The following KDM4C variants were observed in gnomAD, a reference collection of about 807,000 sequenced individuals.
KDM4C encodes the protein lysine-specific demethylase 4C.
KDM4C carries 81 observed loss-of-function variants against 129.3 expected under a neutral mutation model. That is an observed-to-expected ratio of 0.63 (90% CI 0.52 to 0.75). The LOEUF (loss-of-function observed/expected upper bound fraction) is 0.75, where lower values mean the gene tolerates loss of function less well. Ranked by LOEUF, KDM4C falls within the 30% of genes least tolerant of loss-of-function variation. KDM4C has a pLI of 0.00. For synonymous variants in KDM4C, 573 were observed against 456.1 expected (o/e 1.26, Z -3.26); for missense variants, 1,457 against 1,304.0 (o/e 1.12, Z -1.81).
At chr9:7,129,322 T>A (rs1840366482) in intron 19 of KDM4C, among the ~76,000 whole-genome samples, 1 of 152,234 alleles carries the variant, frequency 6.6e-6, no homozygotes, top group African/African-American at 2.4e-5. Flanking sequence ...TACCTCTCTC[T>A]ATGCTGGTAA....
At chr9:6,867,795 A>T (rs1365221217) in intron 5 of KDM4C, among the ~76,000 whole-genome samples, 1 of 152,220 alleles carries the variant, frequency 6.6e-6, no homozygotes, top group Non-Finnish European at 1.5e-5. Context: ...TATGAAACTT[A>T]CTAACAGTTG....
intron 12 of KDM4C, among the ~76,000 whole-genome samples, chr9:6,995,214 C>G (rs555569617): frequency 1.3e-5 from 2 of 151,004 alleles, no homozygotes; most frequent in Non-Finnish European, 2.9e-5. Context: ...AAGACTAAGT[C>G]AGTTCAGGAG....
At position 6,738,982 on chromosome 9, in the gene KDM4C, G is replaced by A. The variant is rs957207555; in HGVS notation, c.49+17985G>A. Among the ~76,000 whole-genome samples the A allele has an allele frequency of 3.3e-5, 5 of 151,652 alleles. No homozygotes were observed. In the East Asian group the frequency reaches 7.7e-4, roughly 23 times the overall value. On this transcript the variant is annotated intron_variant, in intron 1 of 17. Coordinates refer to the KDM4C transcript ENST00000536108. ...GGGCTCAATTTATTCTCCCACCTCA[G>A]CCTCCCACCTGAGCCTCCCAAAGTG... is the stretch of plus-strand genomic sequence containing the variant.
At chr9:6,893,385 AT>A in intron 8 of KDM4C, 153 bp downstream of exon 8, 1 of 480,424 alleles carries the variant, frequency 2.1e-6, no homozygotes, top group Non-Finnish European at 3.5e-6. Flanking sequence ...CGATACATTT[AT>A]TTTACATAGC....
chr9:7,023,186 C>G (rs1442918096), intron 15 of KDM4C, among the ~76,000 whole-genome samples: 1 of 152,118 alleles, frequency 6.6e-6, no homozygotes, highest in Non-Finnish European at 1.5e-5. Context: ...CCCTCATCCT[C>G]TACTTTTTGG....
chr9:6,772,384 G>A (rs1354406216), intron 1 of KDM4C, among the ~76,000 whole-genome samples: 1 of 147,794 alleles, frequency 6.8e-6, no homozygotes, highest in Non-Finnish European at 1.5e-5. Context: ...TTTTTGAGAC[G>A]GCGTCTTGCT....
At chr9:6,841,725 C>T (rs142779828) in intron 4 of KDM4C, among the ~76,000 whole-genome samples, 5 of 152,314 alleles carry the variant, frequency 3.3e-5, no homozygotes, top group African/African-American at 1.2e-4. Flanking sequence ...GGGCAAGTGA[C>T]TATAGCTATT....
chr9:7,106,637 C>T lies in KDM4C; in HGVS notation c.2610+2767C>T, dbSNP rs1286740793. The stretch of plus-strand genomic sequence containing the variant: ...CCATTTTAAGGAAAATTCAACTATT[C>T]CATTAGTGTCATAAATTATTATTTT... On this transcript the variant is annotated intron_variant, in intron 18 of 21. Coordinates refer to ENST00000381309, the MANE Select transcript of KDM4C (RefSeq NM_015061.6). Among the ~76,000 whole-genome samples the T allele has an allele frequency of 3.3e-5, 5 of 151,980 alleles. No individual in the cohort carries two copies. In the East Asian group the frequency reaches 9.6e-4, roughly 29 times the overall value.
chr9:7,098,291 G>A (rs1317231279), intron 17 of KDM4C, among the ~76,000 whole-genome samples: 16 of 152,028 alleles, frequency 1.1e-4, no homozygotes, highest in Non-Finnish European at 1.5e-5. Flanking sequence ...TCATCCCACT[G>A]GCCTTTCCCT....
chr9:6,977,172 A>C (rs997259536), intron 8 of KDM4C, among the ~76,000 whole-genome samples: 1 of 152,168 alleles, frequency 6.6e-6, no homozygotes, highest in Non-Finnish European at 1.5e-5. Context: ...TAAATCTTCA[A>C]AATAAGAGTT....
intron 4 of KDM4C, among the ~76,000 whole-genome samples, chr9:6,841,752 G>C (rs1216117767): frequency 6.6e-6 from 1 of 152,170 alleles, no homozygotes; most frequent in Non-Finnish European, 1.5e-5. Flanking sequence ...GGTGGACAAA[G>C]CAGAATGCAT....
chr9:6,736,472 C>T (rs1031169599), intron 1 of KDM4C, among the ~76,000 whole-genome samples: 3 of 152,068 alleles, frequency 2.0e-5, no homozygotes, highest in Admixed American at 1.3e-4. Flanking sequence ...ACTTGTTGCC[C>T]TGCATCCCAG....
chr9:6,971,086 G>A (rs1318185391), intron 8 of KDM4C, among the ~76,000 whole-genome samples: 1 of 152,118 alleles, frequency 6.6e-6, no homozygotes, highest in African/African-American at 2.4e-5. Flanking sequence ...TTGTGCCAGT[G>A]GATGGATTGT....
chr9:6,988,158 TAAAAAAAAAAAAAAAA>T (rs60244122), intron 11 of KDM4C, among the ~76,000 whole-genome samples: 1 of 85,338 alleles, frequency 1.2e-5, no homozygotes, highest in East Asian at 3.8e-4. Context: ...CCCTGTCTCT[TAAAAAAAAAAAAAAAA>T]AAAAAAAAAA....
chr9:6,876,029 G>T (rs546360820), intron 5 of KDM4C, among the ~76,000 whole-genome samples: 7 of 152,328 alleles, frequency 4.6e-5, no homozygotes, highest in Non-Finnish European at 1.0e-4. Context: ...TCATCAGGCT[G>T]CTGGAGAGTT....
chr9:7,002,839 C>T (rs1335153394), intron 12 of KDM4C, among the ~76,000 whole-genome samples: 5 of 152,176 alleles, frequency 3.3e-5, no homozygotes, highest in African/African-American at 1.2e-4. Context: ...TAAATACTGT[C>T]TGTTCAATTC....
chr9:7,103,613 G>A, intron 17 of KDM4C, 72 bp from the exon 18 acceptor site: 1 of 730,616 alleles, frequency 1.4e-6, no homozygotes, highest in Non-Finnish European at 2.3e-6. Flanking sequence ...AGTAGCTATT[G>A]TTCTGTAAAT....
intron 1 of KDM4C, among the ~76,000 whole-genome samples, chr9:6,731,437 C>G (rs1385756482): frequency 6.6e-6 from 1 of 150,506 alleles, no homozygotes; most frequent in African/African-American, 2.4e-5. Flanking sequence ...AGCAATTCTC[C>G]TGCCTCAGCC....
chr9:7,060,464 T>TTATTAA (rs1831478224), intron 17 of KDM4C, among the ~76,000 whole-genome samples: 1 of 90,558 alleles, frequency 1.1e-5, no homozygotes, highest in Non-Finnish European at 1.8e-5. Context: ...GTTATTATTA[T>TTATTAA]TATTATTATT....
Sources: allele counts gnomAD v4.1 joint callset (sites outside exome capture counted in the v4.1 genomes callset), GRCh38; gene constraint gnomAD v4.1.1; transcripts MANE v1.5; gene names NCBI Gene and HGNC (gene_info 2026-07-23, HGNC 2026-07-21).